Variants in PCDHGB2 observed in about 807,000 individuals in gnomAD.
PCDHGB2 encodes protocadherin gamma-B2.
In PCDHGB2, 55 loss-of-function variants were observed where a neutral mutation model predicts 59.3. The observed-to-expected ratio is 0.93, with a 90% CI of 0.75 to 1.16. PCDHGB2 has a LOEUF of 1.16. PCDHGB2 is among the 50% of genes most tolerant of loss of function. PCDHGB2 has a pLI of 0.00. For missense variants in PCDHGB2, 1,228 were observed against 1,198.5 expected, an observed-to-expected ratio of 1.02 and a Z score of -0.36; for synonymous variants, 516 against 512.0, an observed-to-expected ratio of 1.01 and a Z score of -0.11.
intron 1 of PCDHGB2, among the ~76,000 whole-genome samples, chr5:141,407,567 A>T (rs554405122): frequency 7.0e-4 from 107 of 152,170 alleles, no homozygotes; most frequent in African/African-American, 2.5e-3. Context: ...AAGCTGAAAG[A>T]TAAAATTCTT....
At chr5:141,370,466 G>A in intron 1 of PCDHGB2, 1 of 1,613,220 alleles carries the variant, frequency 6.2e-7, no homozygotes, top group Non-Finnish European at 8.5e-7. Flanking sequence ...TGCTCTCTTT[G>A]TTAGACCAGG....
At position 141,477,868 on chromosome 5, in the gene PCDHGB2, C is replaced by G; in HGVS notation, c.2422-16939C>G. Reference sequence around the variant, plus strand: ...CGGTGGAGATGCTGCCTCGAGGTACCTCAGCTGGCCACCTAGTGTCACGGG... The same window carrying G: ...CGGTGGAGATGCTGCCTCGAGGTACGTCAGCTGGCCACCTAGTGTCACGGG... On this transcript the variant is annotated intron_variant, in intron 1 of 3. Coordinates refer to ENST00000522605, the MANE Select transcript of PCDHGB2 (RefSeq NM_018923.3). The surrounding 1 kb of genome is among the most constrained non-coding windows in gnomAD (Gnocchi z 4.9). 1 of 1,613,750 alleles carries G rather than the reference C, an allele frequency of 6.2e-7. No individual in the cohort carries two copies. Among genetic ancestry groups the G allele is most frequent in the Non-Finnish European group, 8.5e-7 (1 of 1,179,908 alleles).
chr5:141,417,704 A>G, intron 1 of PCDHGB2: 2 of 1,207,460 alleles, frequency 1.7e-6, no homozygotes, highest in Non-Finnish European at 1.1e-6. Context: ...GCTCCCACAC[A>G]GAGGCTCCCG....
At chr5:141,404,196 C>T in intron 1 of PCDHGB2, 3 of 1,613,466 alleles carry the variant, frequency 1.9e-6, no homozygotes, top group Non-Finnish European at 1.7e-6. Context: ...CGAGAAAAAG[C>T]CTCAGAATAT....
intron 1 of PCDHGB2, chr5:141,367,126 T>C (rs1038047852): frequency 3.8e-5 from 8 of 211,274 alleles, no homozygotes; most frequent in Non-Finnish European, 6.6e-5. Context: ...AGTGAATGTG[T>C]TTTGGAAAGG....
At chr5:141,470,734 G>A (rs970003510) in intron 1 of PCDHGB2, among the ~76,000 whole-genome samples, 1 of 152,128 alleles carries the variant, frequency 6.6e-6, no homozygotes, top group Non-Finnish European at 1.5e-5. Context: ...GTCTTGCTCT[G>A]TCGCCCTGGC....
chr5:141,396,326 A>T (rs1198474229), intron 1 of PCDHGB2: 3 of 152,326 alleles, frequency 2.0e-5, no homozygotes, highest in Admixed American at 1.3e-4. Context: ...TCTCTAAAAA[A>T]ACTATTATTA....
chr5:141,395,546 G>GTT (rs2093266838), intron 1 of PCDHGB2: 4 of 32,300 alleles, frequency 1.2e-4, no homozygotes, highest in African/African-American at 9.9e-4. Context: ...TATTGTTTGT[G>GTT]TGTGTGTGTG....
intron 1 of PCDHGB2, chr5:141,395,163 G>T: frequency 6.2e-7 from 1 of 1,614,160 alleles, no homozygotes; most frequent in Non-Finnish European, 8.5e-7. Context: ...CAGTCAGGAG[G>T]GCTGTGAGAA....
intron 1 of PCDHGB2, chr5:141,441,669 T>C: frequency 3.5e-6 from 1 of 287,870 alleles, no homozygotes; most frequent in Non-Finnish European, 6.8e-6. Context: ...GAGCGCACAG[T>C]GCGCCTTCGA....
In PCDHGB2 at chr5:141,393,272, A is replaced by C. The variant is rs781226042; in HGVS notation, c.2421+30716A>C. The stretch of plus-strand genomic sequence containing the variant: ...TCGCGGTTCCTGGAGCACGTTATCC[A>C]CTCCCAGAAGCTGTTGACCCGGATG... On this transcript the variant is annotated intron_variant, in intron 1 of 3. Coordinates refer to ENST00000522605, the MANE Select transcript of PCDHGB2 (RefSeq NM_018923.3). The C allele has an allele frequency of 2.5e-6, 4 of 1,613,774 alleles. No homozygotes were observed. The Admixed American group carries it at 6.7e-5, about 27-fold the overall frequency.
chr5:141,472,529 G>C lies in PCDHGB2; in HGVS notation c.2422-22278G>C, dbSNP rs553065027. 9.3e-5 allele frequency among the ~76,000 whole-genome samples: 14 copies of C among 151,058 alleles called. No individual in the cohort carries two copies. In the East Asian group the frequency reaches 2.6e-3, roughly 28 times the overall value. ...CACTCCAGCCTGGGTGACAGAGTGA[G>C]ACACCATCTCAAGAAAAAAAAAATT... On this transcript the variant is annotated intron_variant, in intron 1 of 3. Transcript: ENST00000522605.
chr5:141,360,535 A>T lies in PCDHGB2; in HGVS notation c.400A>T (p.Lys134Ter). 6.2e-7 allele frequency: 1 copy of T among 1,613,976 alleles called. No individual in the cohort carries two copies. Among genetic ancestry groups the T allele is most frequent in the Non-Finnish European group, 8.5e-7 (1 of 1,179,892 alleles). ...QDINDNTPLF[K>*]QTKINLKIGE... ...TATAAATGATAATACCCCGCTATTC[A>T]AACAGACTAAGATTAATTTAAAAAT... is the stretch of plus-strand genomic sequence containing the variant. Residue 134 changes from lysine to a stop codon, truncating the protein, a stop_gained, in exon 1 of 4, where the codon AAA (lysine) becomes TAA (stop). Transcript: ENST00000522605. LOFTEE classifies it high-confidence loss of function.
chr5:141,472,159 A>G (rs1020175900), intron 1 of PCDHGB2, among the ~76,000 whole-genome samples: 1 of 152,246 alleles, frequency 6.6e-6, no homozygotes, highest in Non-Finnish European at 1.5e-5. Context: ...TTACATAGCT[A>G]CTAGGTGTAA....
intron 1 of PCDHGB2, chr5:141,400,775 C>T (rs2094072666): frequency 5.4e-6 from 3 of 559,824 alleles, no homozygotes; most frequent in South Asian, 5.1e-5. Context: ...ACATTTGGTG[C>T]GTTTTTTTGT....
chr5:141,422,734 T>A, intron 1 of PCDHGB2: 2 of 1,608,114 alleles, frequency 1.2e-6, no homozygotes, highest in Non-Finnish European at 1.7e-6. Context: ...GGTGCCTCTG[T>A]CCTCCTATGT....
chr5:141,432,642 C>T lies in PCDHGB2; in HGVS notation c.2422-62165C>T, dbSNP rs746251093. 7.4e-6 allele frequency: 12 copies of T among 1,613,784 alleles called. No individual in the cohort carries two copies. The highest frequency in any genetic ancestry group is 2.7e-5 in the African/African-American group (2 of 75,056). ...GGTCTGCACACGGGCGAGGTGCGCA[C>T]GGCGCGAGCCCTGCTGGACAGAGAC... On this transcript the variant is annotated intron_variant, in intron 1 of 3. Coordinates refer to ENST00000522605, the MANE Select transcript of PCDHGB2 (RefSeq NM_018923.3). This position sits in a 1 kb window ranked among gnomAD's most constrained non-coding sequence, Gnocchi z 6.0.
rs767430191 is a variant in PCDHGB2 at position 141,375,567 on chromosome 5, C to T, written c.2421+13011C>T. 22 of 1,613,958 alleles carry T rather than the reference C, an allele frequency of 1.4e-5. No individual in the cohort carries two copies. The Admixed American group carries it at 3.5e-4, about 26-fold the overall frequency. ...GTCTCCTACTCACTGGCAGAAGACA[C>T]CCTCCAGGGGGCGCCCCTGTCCTCC... On this transcript the variant is annotated intron_variant, in intron 1 of 3. Transcript: ENST00000522605.
Position 141,361,540 on chromosome 5 carries a change from G to A in PCDHGB2, c.1405G>A (p.Ala469Thr). 6.2e-7 allele frequency: 1 copy of A among 1,614,018 alleles called. No homozygotes were observed. Among genetic ancestry groups the A allele is most frequent in the Admixed American group, 1.7e-5 (1 of 60,032 alleles). ...VHVAENNPPG[A>T]SIAQISASDP... The stretch of plus-strand genomic sequence containing the variant: ...CGTGGCAGAGAACAATCCTCCTGGC[G>A]CCTCTATCGCTCAAATCAGTGCCTC... The change falls in exon 1 of 4, where the codon GCC becomes ACC. Residue 469 changes from alanine to threonine, a missense_variant. By Grantham distance (58) the Ala-to-Thr change is moderately conservative (BLOSUM62 0). This residue lies in a region of PCDHGB2 where 781 missense variants were observed against 721.6 expected (regional missense o/e 1.08). Transcript: ENST00000522605.
Sources: allele counts gnomAD v4.1 joint callset (sites outside exome capture counted in the v4.1 genomes callset), GRCh38; gene constraint gnomAD v4.1.1; regional missense constraint gnomAD v4.1.1; non-coding constraint Gnocchi (gnomAD v3.1); transcripts MANE v1.5; gene names NCBI Gene and HGNC (gene_info 2026-07-23, HGNC 2026-07-21).